The following DGKG variants were observed in gnomAD, a reference collection of about 807,000 sequenced individuals.
The protein encoded by DGKG is DAG kinase gamma.
A neutral mutation model predicts 105.3 loss-of-function variants in DGKG; 78 were observed. That is an observed-to-expected ratio of 0.74 (90% CI 0.62 to 0.89). The LOEUF is 0.89. Ranked by LOEUF, DGKG falls within the 40% of genes least tolerant of loss-of-function variation. The pLI is 0.00. For missense variants in DGKG, 958 were observed against 1,020.1 expected, an observed-to-expected ratio of 0.94 and a Z score of 0.83; for synonymous variants, 346 against 367.1, an observed-to-expected ratio of 0.94 and a Z score of 0.66.
At chr3:186,304,346 C>T (rs1285573566) in intron 3 of DGKG, among the ~76,000 whole-genome samples, 1 of 152,212 alleles carries the variant, frequency 6.6e-6, no homozygotes, top group African/African-American at 2.4e-5. Flanking sequence ...CATTCTCAGT[C>T]TCGCCCCTGT....
At chr3:186,255,602 T>A (rs998175838) in intron 17 of DGKG, among the ~76,000 whole-genome samples, 1 of 151,966 alleles carries the variant, frequency 6.6e-6, no homozygotes, top group African/African-American at 2.4e-5. Context: ...GGGACCTGAG[T>A]CCAGATGGAG....
At chr3:186,256,902 T>C (rs916609528) in intron 17 of DGKG, among the ~76,000 whole-genome samples, 3 of 152,242 alleles carry the variant, frequency 2.0e-5, no homozygotes, top group African/African-American at 7.2e-5. Flanking sequence ...GCCCCTTCCC[T>C]GCTGTACTTT....
chr3:186,256,085 G>A (rs915552913), intron 17 of DGKG, among the ~76,000 whole-genome samples: 4 of 152,080 alleles, frequency 2.6e-5, no homozygotes, highest in Admixed American at 1.3e-4. Flanking sequence ...GTCCGGTACC[G>A]CAGCCATCCA....
At chr3:186,296,404 T>C (rs1007496797) in intron 5 of DGKG, among the ~76,000 whole-genome samples, 1 of 152,208 alleles carries the variant, frequency 6.6e-6, no homozygotes, top group African/African-American at 2.4e-5. Context: ...CCAACTTGAG[T>C]TGATAGTACT....
intron 6 of DGKG, 149 bp downstream of exon 6, chr3:186,288,561 T>C (rs1003409): frequency 0.53 from 398,479 of 748,804 alleles, 108,685 homozygotes; most frequent in East Asian, 0.79. Context: ...CATATCACTT[T>C]TGGTAACAGG....
chr3:186,258,358 C>T (rs1721585599), intron 16 of DGKG, among the ~76,000 whole-genome samples: 1 of 152,198 alleles, frequency 6.6e-6, no homozygotes, highest in South Asian at 2.1e-4. Context: ...CTTCACTCTC[C>T]TGTGGGCCAC....
chr3:186,175,024 G>A (rs140017972), intron 22 of DGKG, among the ~76,000 whole-genome samples: 14 of 152,318 alleles, frequency 9.2e-5, no homozygotes, highest in African/African-American at 3.1e-4. Flanking sequence ...GAGCCTGAGG[G>A]AGAAGCGACA....
chr3:186,307,322 C>T (rs533481708), intron 2 of DGKG, among the ~76,000 whole-genome samples: 1 of 152,194 alleles, frequency 6.6e-6, no homozygotes, highest in Non-Finnish European at 1.5e-5. Context: ...TTTATTTATC[C>T]TATTCCTCAT....
At chr3:186,353,983 A>T (rs1368189797) in intron 1 of DGKG, among the ~76,000 whole-genome samples, 1 of 152,166 alleles carries the variant, frequency 6.6e-6, no homozygotes, top group African/African-American at 2.4e-5. Context: ...GTGATCATCC[A>T]GGCCTGCTGG....
chr3:186,325,147 C>A (rs1346485748), intron 1 of DGKG, among the ~76,000 whole-genome samples: 1 of 152,022 alleles, frequency 6.6e-6, no homozygotes, highest in Non-Finnish European at 1.5e-5. Flanking sequence ...TATGTGAAAA[C>A]CAAATACTAC....
intron 6 of DGKG, among the ~76,000 whole-genome samples, chr3:186,288,039 C>A (rs925635656): frequency 1.3e-5 from 2 of 152,206 alleles, no homozygotes; most frequent in Non-Finnish European, 2.9e-5. Flanking sequence ...ACTGAATCAT[C>A]TACAAGACTG....
At position 186,362,211 on chromosome 3, in the gene DGKG, C is replaced by G. The variant is rs968930934; in HGVS notation, c.-514G>C. The G allele has an allele frequency of 3.3e-5, 5 of 152,398 alleles. No individual in the cohort carries two copies. In the South Asian group the frequency reaches 1.0e-3, roughly 32 times the overall value. 9.4% of individuals were successfully genotyped at this position (152,398 alleles called of 1,614,324 possible). ...CAGCAGCTCCAAAGCTGTCTATCTCCGTGGCCCGCTACTACGGCACTGCGG... is the reference window on the plus strand; with the variant it reads ...CAGCAGCTCCAAAGCTGTCTATCTCGGTGGCCCGCTACTACGGCACTGCGG... On this transcript the variant is annotated 5_prime_UTR_variant, in exon 1 of 25. Transcript: ENST00000265022.
intron 14 of DGKG, among the ~76,000 whole-genome samples, chr3:186,263,670 T>TTA (rs1553809748): frequency 6.7e-6 from 1 of 148,412 alleles, no homozygotes; most frequent in African/African-American, 2.5e-5. Flanking sequence ...TTTTTTTTTT[T>TTA]ACTTTCTTAG....
chr3:186,169,260 T>C (rs1304331512), intron 22 of DGKG, among the ~76,000 whole-genome samples: 1 of 152,228 alleles, frequency 6.6e-6, no homozygotes, highest in African/African-American at 2.4e-5. Context: ...AACTTACTTG[T>C]ATAGCATTCT....
intron 19 of DGKG, among the ~76,000 whole-genome samples, chr3:186,246,729 T>A (rs189498575): frequency 6.6e-6 from 1 of 152,158 alleles, no homozygotes; most frequent in Non-Finnish European, 1.5e-5. Flanking sequence ...AAAAATTATG[T>A]CTTGTTGAGA....
At position 186,226,597 on chromosome 3, in the gene DGKG, A is replaced by G. The variant is rs368945634; in HGVS notation, c.1827-14712T>C. Among the ~76,000 whole-genome samples, 23 of 152,334 alleles carry G rather than the reference A, an allele frequency of 1.5e-4. No homozygotes were observed. The East Asian group carries it at 3.5e-3, about 23-fold the overall frequency. On this transcript the variant is annotated intron_variant, in intron 20 of 24. Transcript: ENST00000265022. This position sits in a 1 kb window ranked among gnomAD's most constrained non-coding sequence, Gnocchi z 4.2. The stretch of plus-strand genomic sequence containing the variant: ...GATCAACAGTTTGCAGTTTTCATTT[A>G]CCCAGGACTTTCTCACTCCCTCTTA...
intron 24 of DGKG, among the ~76,000 whole-genome samples, chr3:186,153,892 C>T (rs775127753): frequency 5.9e-5 from 9 of 151,790 alleles, no homozygotes; most frequent in African/African-American, 1.2e-4. Context: ...ATCGCATGAG[C>T]GCAGGAGTTC....
At chr3:186,293,469 C>T (rs749851001) in intron 5 of DGKG, among the ~76,000 whole-genome samples, 8 of 152,170 alleles carry the variant, frequency 5.3e-5, no homozygotes, top group South Asian at 4.1e-4. Flanking sequence ...GAGAAACTAA[C>T]GAAACACCAG....
intron 20 of DGKG, among the ~76,000 whole-genome samples, chr3:186,228,413 G>C (rs35955646): frequency 0.1 from 15,964 of 152,130 alleles, 953 homozygotes; most frequent in Non-Finnish European, 0.14. Context: ...GTTTCTAGGA[G>C]CCCTGAAATT....
Sources: allele counts gnomAD v4.1 joint callset (sites outside exome capture counted in the v4.1 genomes callset), GRCh38; gene constraint gnomAD v4.1.1; non-coding constraint Gnocchi (gnomAD v3.1); transcripts MANE v1.5; gene names NCBI Gene and HGNC (gene_info 2026-07-23, HGNC 2026-07-21).